Variants in MLH3 observed in about 807,000 individuals in gnomAD.
MLH3 encodes DNA mismatch repair protein Mlh3.
A neutral mutation model predicts 122.2 loss-of-function variants in MLH3; 82 were observed. That is an observed-to-expected ratio of 0.67 (90% CI 0.56 to 0.81). The LOEUF is 0.81. MLH3 is among the 30% of genes least tolerant of loss of function. The pLI, the probability that MLH3 is intolerant of heterozygous loss-of-function variation, is 0.00. For synonymous variants in MLH3, 524 were observed against 599.5 expected, an observed-to-expected ratio of 0.87 and a Z score of 1.84; for missense variants, 1,539 against 1,714.5, an observed-to-expected ratio of 0.90 and a Z score of 1.81.
chr14:75,041,577 GA>G lies in MLH3; in HGVS notation c.3465+37del, dbSNP rs34505842. The G allele has an allele frequency of 0.018, 22,948 of 1,247,984 alleles. 2,277 individuals carry two copies. The African/African-American group carries it at 0.27, about 15-fold the overall frequency. 77.3% of individuals were successfully genotyped at this position (1,247,984 alleles called of 1,614,324 possible). A position where few individuals can be genotyped will look rare whatever the true frequency, so the allele number is the denominator to read the frequency against. ...ATTTAAAAAATAAGAAGAAGAAGAA[GA>G]AAAAAAAAAGGCAAAGAAAAACTGC... On this transcript the variant is annotated intron_variant, in intron 4 of 12. Coordinates refer to ENST00000355774, the MANE Select transcript of MLH3 (RefSeq NM_001040108.2).
In MLH3 at chr14:75,048,667, A is replaced by T. The variant is rs1475592539; in HGVS notation, c.989T>A (p.Phe330Tyr). The change falls in exon 2 of 13, where the codon TTT becomes TAT. Residue 330 changes from phenylalanine (F) to tyrosine (Y), a missense_variant. Physicochemically the swap from Phe to Tyr is conservative, Grantham distance 22. Coordinates refer to ENST00000355774, the MANE Select transcript of MLH3 (RefSeq NM_001040108.2). Reference protein sequence around the residue: ...CMEPAKTLIEFQNWDTLLFCI... With the variant: ...CMEPAKTLIEYQNWDTLLFCI... The stretch of plus-strand genomic sequence containing the variant: ...AAACAAGAGAGTGTCCCAGTTCTGA[A>T]ATTCAATCAGAGTTTTGGCTGGCTC... The T allele has an allele frequency of 6.2e-7, 1 of 1,614,070 alleles. No homozygotes were observed. Among genetic ancestry groups the T allele is most frequent in the Non-Finnish European group, 8.5e-7 (1 of 1,180,036 alleles).
Position 75,046,505 on chromosome 14 carries a change from C to A in MLH3, c.3151G>T (p.Ala1051Ser), listed in dbSNP as rs1482097875. 2.2e-5 allele frequency: 36 copies of A among 1,614,176 alleles called. No individual in the cohort carries two copies. The highest frequency in any genetic ancestry group is 2.9e-5 in the Non-Finnish European group (34 of 1,180,020). The change falls in exon 2 of 13, where the codon GCC becomes TCC. Residue 1051 changes from alanine to serine, a missense_variant. Physicochemically the swap from Ala to Ser is moderately conservative, Grantham distance 99 (BLOSUM62 1). Coordinates refer to ENST00000355774, the MANE Select transcript of MLH3 (RefSeq NM_001040108.2). ...CSDWQRHFDV[A>S]LGRMVYVNKM... ...TTGACATAAACCATTCTTCCCAGGG[C>A]TACATCGAAATGCCGCTGCCAATCT... is the stretch of plus-strand genomic sequence containing the variant.
chr14:75,040,804 T>G (rs1249348714), intron 4 of MLH3, among the ~76,000 whole-genome samples: 2 of 152,210 alleles, frequency 1.3e-5, no homozygotes, highest in Non-Finnish European at 2.9e-5. Context: ...CCCTGAATAC[T>G]GTGCCAAAGC....
At chr14:75,039,846 C>CTTATATATAT (rs1491242181) in intron 5 of MLH3, 65 bp downstream of exon 5, 3 of 259,834 alleles carry the variant, frequency 1.2e-5, no homozygotes, top group African/African-American at 1.1e-4. Flanking sequence ...AGAGTTAGGC[C>CTTATATATAT]ATATATATAT....
chr14:75,038,581 T>C (rs1389656802), intron 5 of MLH3, among the ~76,000 whole-genome samples, 169 bp from the exon 6 acceptor site: 2 of 152,056 alleles, frequency 1.3e-5, no homozygotes, highest in East Asian at 1.9e-4. Flanking sequence ...CTAGGAAGGA[T>C]GAAAGAATGG....
At position 75,015,635 on chromosome 14, in the gene MLH3, G is replaced by A. The variant is rs1351576949; in HGVS notation, c.*1447C>T. 13 of 193,444 alleles carry A rather than the reference G, an allele frequency of 6.7e-5. No individual in the cohort carries two copies. The highest frequency in any genetic ancestry group is 4.9e-4 in the Admixed American group (8 of 16,394). 12.0% of individuals were successfully genotyped at this position (193,444 alleles called of 1,614,324 possible). On this transcript the variant is annotated 3_prime_UTR_variant, in exon 13 of 13. Coordinates refer to ENST00000355774, the MANE Select transcript of MLH3 (RefSeq NM_001040108.2). Reference sequence around the variant, plus strand: ...ATGTCTTCCCATCTATAAAACATCCGTTTATATGTATTTAGAAGAATAAAA... The same window carrying A: ...ATGTCTTCCCATCTATAAAACATCCATTTATATGTATTTAGAAGAATAAAA...
intron 9 of MLH3, among the ~76,000 whole-genome samples, chr14:75,030,197 A>G (rs769557348): frequency 2.6e-5 from 4 of 152,058 alleles, no homozygotes; most frequent in Non-Finnish European, 5.9e-5. Flanking sequence ...TTTCTGTGAC[A>G]TTTTCATTGA....
intron 11 of MLH3, chr14:75,020,900 G>T (rs928118858): frequency 1.3e-5 from 2 of 151,596 alleles, no homozygotes; most frequent in Admixed American, 6.6e-5. Flanking sequence ...ATTTTGAGAT[G>T]GAGTCTCACT....
intron 6 of MLH3, among the ~76,000 whole-genome samples, chr14:75,037,939 G>A (rs1036698020): frequency 3.9e-5 from 6 of 152,058 alleles, no homozygotes; most frequent in African/African-American, 7.2e-5. Context: ...AATGTCTGTC[G>A]CCCAGGCTGG....
rs1381148798 is a variant in MLH3 at position 75,015,177 on chromosome 14, A to T, written c.*1905T>A. The T allele has an allele frequency of 1.1e-5, 2 of 175,542 alleles. No individual in the cohort carries two copies. The highest frequency in any genetic ancestry group is 2.4e-5 in the African/African-American group (1 of 42,196). 10.9% of individuals were successfully genotyped at this position (175,542 alleles called of 1,614,324 possible). On this transcript the variant is annotated 3_prime_UTR_variant, in exon 13 of 13. Coordinates refer to ENST00000355774, the MANE Select transcript of MLH3 (RefSeq NM_001040108.2). ...TGAGTTAAAAACAACATAAAACCCT[A>T]ACAGGCGATAAAGGTAATCTATTAG...
At chr14:75,035,045 A>C (rs1244450237) in intron 6 of MLH3, among the ~76,000 whole-genome samples, 2 of 143,536 alleles carry the variant, frequency 1.4e-5, no homozygotes, top group Non-Finnish European at 3.0e-5. Flanking sequence ...CCTGGGCGAC[A>C]GAGCAAGACT....
intron 11 of MLH3, among the ~76,000 whole-genome samples, chr14:75,022,302 CT>C (rs1890336018): frequency 6.6e-6 from 1 of 152,272 alleles, no homozygotes; most frequent in African/African-American, 2.4e-5. Flanking sequence ...CATGTACCCC[CT>C]GAACCTAAAA....
chr14:75,031,665 T>C (rs1364752705), intron 8 of MLH3, among the ~76,000 whole-genome samples: 1 of 151,962 alleles, frequency 6.6e-6, no homozygotes, highest in Non-Finnish European at 1.5e-5. Context: ...ATTACAAAAA[T>C]TAGTCCAGCA....
intron 12 of MLH3, 105 bp downstream of exon 12, chr14:75,018,724 C>A: frequency 7.4e-7 from 1 of 1,348,306 alleles, no homozygotes; most frequent in Non-Finnish European, 1.1e-6. Context: ...GCAAAACTCT[C>A]CTATTTTGGA....
At chr14:75,032,840 A>C (rs1330137811) in intron 7 of MLH3, among the ~76,000 whole-genome samples, 2 of 150,442 alleles carry the variant, frequency 1.3e-5, no homozygotes, top group Non-Finnish European at 3.0e-5. Context: ...GCAAAAAAAA[A>C]CATTTAAAAA....
rs998111362 is a variant in MLH3 at position 75,016,998 on chromosome 14, G to A, written c.*84C>T. 1.8e-5 allele frequency: 27 copies of A among 1,542,434 alleles called. No homozygotes were observed. The highest frequency in any genetic ancestry group is 1.9e-4 in the Middle Eastern group (1 of 5,304). On this transcript the variant is annotated 3_prime_UTR_variant, in exon 13 of 13. Transcript: ENST00000355774. ...ACACTGGGCTGATTCAGTCAGGGCCGTGCTGGTACCTGCTGCTGCTGCTCT... is the reference window on the plus strand; with the variant it reads ...ACACTGGGCTGATTCAGTCAGGGCCATGCTGGTACCTGCTGCTGCTGCTCT...
At chr14:75,051,248 G>A in intron 1 of MLH3, 132 bp downstream of exon 1, 1 of 152,368 alleles carries the variant, frequency 6.6e-6, no homozygotes, top group Non-Finnish European at 1.5e-5. Context: ...CCGCCCGGCC[G>A]CCAGGCCGCC....
intron 5 of MLH3, 123 bp downstream of exon 5, chr14:75,039,784 ACACG>A (rs1891683273): frequency 3.7e-6 from 1 of 267,870 alleles, no homozygotes; most frequent in East Asian, 1.3e-4. Flanking sequence ...ACACACACAC[ACACG>A]TGCCTTGACC....
chr14:75,047,366 C>A lies in MLH3; in HGVS notation c.2290G>T (p.Val764Phe), dbSNP rs550905066. ...ACTTCTGTATCCAGAGGATTTTCAA[C>A]CTTCCCATATTGCCTCTTAAACTTC... Reference protein sequence around the residue: ...LEKFKRQYGKVENPLDTEVEE... With the variant: ...LEKFKRQYGKFENPLDTEVEE... The change falls in exon 2 of 13, where the codon GTT becomes TTT. Residue 764 changes from valine (V) to phenylalanine (F), a missense_variant. Transcript: ENST00000355774. 1.9e-6 allele frequency: 3 copies of A among 1,614,116 alleles called. No individual in the cohort carries two copies. The highest frequency in any genetic ancestry group is 1.1e-5 in the South Asian group (1 of 91,082).
Sources: gnomAD v4.1 joint callset for allele counts (sites outside exome capture counted in the v4.1 genomes callset) on GRCh38, gnomAD v4.1.1 for gene constraint, MANE v1.5 for transcripts, NCBI Gene and HGNC (gene_info 2026-07-23, HGNC 2026-07-21) for gene names.